FAM227B: variants seen among roughly 807,000 people sequenced by gnomAD.
FAM227B encodes the protein family with sequence similarity 227 member B.
FAM227B carries 88 observed loss-of-function variants against 73.8 expected under a neutral mutation model. That is an observed-to-expected ratio of 1.19 (90% CI 1.00 to 1.42). The LOEUF (loss-of-function observed/expected upper bound fraction) is 1.42. Among genes scored for constraint, FAM227B ranks in the 40% most tolerant of loss-of-function variants. The probability of loss-of-function intolerance (pLI) is 0.00; values close to 1 mark genes in which losing one functional copy is unlikely to be tolerated. For missense variants in FAM227B, 632 were observed against 590.9 expected (o/e 1.07, Z -0.72); for synonymous variants, 210 against 190.5 (o/e 1.10, Z -0.84).
intron 11 of FAM227B, among the ~76,000 whole-genome samples, chr15:49,407,756 G>T (rs1221732273): frequency 6.6e-6 from 1 of 150,874 alleles, no homozygotes; most frequent in Non-Finnish European, 1.5e-5. Context: ...TGTGAGTTCT[G>T]CCAAAAGTAC....
intron 13 of FAM227B, 52 bp downstream of exon 13, chr15:49,367,396 G>A: frequency 7.0e-7 from 1 of 1,422,662 alleles, no homozygotes; most frequent in Non-Finnish European, 9.4e-7. Flanking sequence ...GAAATGTTTT[G>A]AATATTATTT....
chr15:49,538,032 T>TA (rs1491336975), intron 10 of FAM227B, among the ~76,000 whole-genome samples: 1 of 152,096 alleles, frequency 6.6e-6, no homozygotes, highest in Non-Finnish European at 1.5e-5. Flanking sequence ...TTAATAAAAC[T>TA]GTACTGTTAA....
chr15:49,363,396 G>A (rs2044589825), intron 13 of FAM227B, among the ~76,000 whole-genome samples: 2 of 152,230 alleles, frequency 1.3e-5, no homozygotes, highest in Middle Eastern at 6.8e-3. Flanking sequence ...TTGGCATTGG[G>A]ATTGCAGACT....
chr15:49,432,526 T>C (rs2050708494), intron 11 of FAM227B, among the ~76,000 whole-genome samples: 1 of 151,806 alleles, frequency 6.6e-6, no homozygotes, highest in African/African-American at 2.4e-5. Flanking sequence ...TCTTAGTCCC[T>C]GGTTTGGGTG....
intron 10 of FAM227B, among the ~76,000 whole-genome samples, chr15:49,529,687 C>A (rs955639861): frequency 6.6e-6 from 1 of 151,628 alleles, no homozygotes; most frequent in Admixed American, 6.6e-5. Context: ...TTGATAGAGT[C>A]AAGATACAGA....
intron 10 of FAM227B, among the ~76,000 whole-genome samples, chr15:49,533,681 A>G (rs1278128052): frequency 6.6e-6 from 1 of 151,798 alleles, no homozygotes; most frequent in Admixed American, 6.6e-5. Context: ...ATCTGATAGA[A>G]GTAGAGCTTT....
intron 11 of FAM227B, among the ~76,000 whole-genome samples, chr15:49,491,359 G>T (rs185032792): frequency 1.3e-5 from 2 of 151,740 alleles, no homozygotes; most frequent in Admixed American, 1.3e-4. Flanking sequence ...TGCCTGTTGG[G>T]TTTAGTTTAA....
At chr15:49,465,394 C>G (rs577667799) in intron 11 of FAM227B, among the ~76,000 whole-genome samples, 3 of 152,058 alleles carry the variant, frequency 2.0e-5, no homozygotes, top group East Asian at 3.9e-4. Context: ...CCTCGGCCTC[C>G]CAAAGTGCTG....
chr15:49,374,163 T>C (rs950340160), intron 11 of FAM227B, among the ~76,000 whole-genome samples: 4 of 152,186 alleles, frequency 2.6e-5, no homozygotes, highest in African/African-American at 9.6e-5. Context: ...TGAGGCTAGA[T>C]TACTTCAAGA....
intron 11 of FAM227B, among the ~76,000 whole-genome samples, chr15:49,503,298 G>A (rs1464343612): frequency 6.6e-6 from 1 of 152,032 alleles, no homozygotes; most frequent in Admixed American, 6.6e-5. Context: ...AGACTTAAAC[G>A]TTAGACCTAA....
At chr15:49,367,639 G>T in intron 12 of FAM227B, 31 bp from the exon 13 acceptor site, 1 of 1,524,380 alleles carries the variant, frequency 6.6e-7, no homozygotes, top group South Asian at 1.3e-5. Flanking sequence ...TCAAGACAAC[G>T]ATTACTTTTG....
chr15:49,476,819 G>C (rs1271242049), intron 11 of FAM227B, among the ~76,000 whole-genome samples: 1 of 152,126 alleles, frequency 6.6e-6, no homozygotes, highest in East Asian at 1.9e-4. Context: ...CAGCACTTTG[G>C]GAGGCTGAGG....
chr15:49,544,890 G>A (rs1351277823), intron 9 of FAM227B, among the ~76,000 whole-genome samples: 3 of 152,120 alleles, frequency 2.0e-5, no homozygotes, highest in African/African-American at 7.2e-5. Context: ...TTGATATGCT[G>A]TTGGAATTGG....
chr15:49,526,929 A>G (rs2060248298), intron 10 of FAM227B, among the ~76,000 whole-genome samples: 1 of 151,992 alleles, frequency 6.6e-6, no homozygotes, highest in South Asian at 2.1e-4. Flanking sequence ...CCAGGACCAG[A>G]CAAATTCACA....
At chr15:49,546,529 A>G (rs1021867636) in intron 9 of FAM227B, among the ~76,000 whole-genome samples, 1 of 152,162 alleles carries the variant, frequency 6.6e-6, no homozygotes, top group Admixed American at 6.5e-5. Context: ...CTGAGGAATC[A>G]CCACACTGAC....
intron 11 of FAM227B, chr15:49,488,893 T>C (rs1176884158): frequency 1.3e-5 from 2 of 151,990 alleles, no homozygotes; most frequent in Non-Finnish European, 2.9e-5. Context: ...TGTAGTCATC[T>C]ATCTCAATAT....
At chr15:49,347,106 A>G (rs2041618733) in intron 13 of FAM227B, among the ~76,000 whole-genome samples, 1 of 152,242 alleles carries the variant, frequency 6.6e-6, no homozygotes. Context: ...AAGTTTCACT[A>G]TTTAATACAT....
chr15:49,426,814 T>C (rs1382437240), intron 11 of FAM227B, among the ~76,000 whole-genome samples: 1 of 151,930 alleles, frequency 6.6e-6, no homozygotes, highest in African/African-American at 2.4e-5. Context: ...ATGTAAATAA[T>C]TTTTACTTCT....
intron 10 of FAM227B, among the ~76,000 whole-genome samples, chr15:49,535,573 T>C (rs1051425634): frequency 1.3e-5 from 2 of 151,854 alleles, no homozygotes; most frequent in Non-Finnish European, 2.9e-5. Context: ...CTTAGTGAGA[T>C]CAGCATCACC....
Sources: gnomAD v4.1 joint callset for allele counts (sites outside exome capture counted in the v4.1 genomes callset) on GRCh38, gnomAD v4.1.1 for gene constraint, MANE v1.5 for transcripts, NCBI Gene and HGNC (gene_info 2026-07-23, HGNC 2026-07-21) for gene names.